Variants in LHFPL3 observed in about 807,000 individuals in gnomAD.
LHFPL3 encodes LHFPL tetraspan subfamily member 3, also known as LHFPL tetraspan subfamily member 3 protein.
Under a neutral mutation model 19.3 loss-of-function variants are expected in LHFPL3, and 5 were observed. The ratio of observed to expected loss-of-function variants is 0.26; its 90% CI spans 0.14 to 0.54. LHFPL3 has a LOEUF of 0.54. LHFPL3 is among the 20% of genes least tolerant of loss of function. The pLI is 0.94. For missense variants in LHFPL3, 249 were observed against 307.4 expected (o/e 0.81, Z 1.42); for synonymous variants, 133 against 126.2 (o/e 1.05, Z -0.36).
chr7:104,503,491 T>C (rs965531953), intron 1 of LHFPL3, among the ~76,000 whole-genome samples: 2 of 152,194 alleles, frequency 1.3e-5, no homozygotes. Flanking sequence ...CTCAAGGCAA[T>C]TATTTCCCAA....
At chr7:104,662,667 A>T (rs901875410) in intron 1 of LHFPL3, among the ~76,000 whole-genome samples, 1 of 152,248 alleles carries the variant, frequency 6.6e-6, no homozygotes, top group African/African-American at 2.4e-5. Context: ...TGAATATTCA[A>T]CTGGCTTGCA....
At chr7:104,388,300 C>T (rs1038659355) in intron 1 of LHFPL3, among the ~76,000 whole-genome samples, 1 of 152,036 alleles carries the variant, frequency 6.6e-6, no homozygotes, top group South Asian at 2.1e-4. Context: ...TGGGTGTATA[C>T]CCAATAATAG....
Position 104,575,911 on chromosome 7 carries a change from G to T in LHFPL3, c.446-160764G>T, listed in dbSNP as rs117199763. Among the ~76,000 whole-genome samples, 364 of 152,246 alleles carry T rather than the reference G, an allele frequency of 2.4e-3. 3 individuals are homozygous for T. The highest frequency in any genetic ancestry group is 3.2e-3 in the Non-Finnish European group (215 of 68,024). On this transcript the variant is annotated intron_variant, in intron 1 of 2. Transcript: ENST00000424859. ...GAACTTCCATCTAGAAGGGGCTTCA[G>T]GGAGGTAATCTTTTTGGAAAGGGTG...
In LHFPL3 at chr7:104,328,629, A is replaced by C; in HGVS notation, c.-151A>C. ...CTCCCCCGCCCTCCTTCCGGGAGCG[A>C]GGATGCAGACTCTGAAACTGGTGCT... is the stretch of plus-strand genomic sequence containing the variant. On this transcript the variant is annotated 5_prime_UTR_variant, in exon 1 of 3. Coordinates refer to ENST00000424859, the MANE Select transcript of LHFPL3 (RefSeq NM_199000.3). The surrounding 1 kb of genome is among the most constrained non-coding windows in gnomAD (Gnocchi z 4.6). 1 of 685,564 alleles carries C rather than the reference A, an allele frequency of 1.5e-6. No individual in the cohort carries two copies. Among genetic ancestry groups the C allele is most frequent in the African/African-American group, 1.8e-5 (1 of 55,876 alleles). The allele number at this position is 685,564 out of a possible 1,614,324, so 42.5% of individuals were successfully genotyped here. A position where few individuals can be genotyped will look rare whatever the true frequency, so the allele number is the denominator to read the frequency against.
At chr7:104,734,414 G>A (rs191381726) in intron 1 of LHFPL3, among the ~76,000 whole-genome samples, 59 of 152,218 alleles carry the variant, frequency 3.9e-4, no homozygotes, top group Middle Eastern at 6.8e-3. Context: ...GACCTTGTTC[G>A]TTTCTTTTTA....
At chr7:104,488,127 T>A (rs1364930845) in intron 1 of LHFPL3, among the ~76,000 whole-genome samples, 1 of 152,198 alleles carries the variant, frequency 6.6e-6, no homozygotes, top group Non-Finnish European at 1.5e-5. Flanking sequence ...TTTTTTGTCA[T>A]TTTCTAAGAC....
rs1554394359 is a variant in LHFPL3 at position 104,440,036 on chromosome 7, G to GGT, written c.445+110813_445+110814insTG. ...AAGATTACTATATAATACAAAGCCT[G>GGT]GGGGGGGGGAGGGATAGCATTAGGA... On this transcript the variant is annotated intron_variant, in intron 1 of 2. Transcript: ENST00000424859. Among the ~76,000 whole-genome samples, 30 of 73,034 alleles carry GGT rather than the reference G, an allele frequency of 4.1e-4. 1 individual carries two copies. The allele number at this position is 73,034 out of a possible 152,430, so 47.9% of individuals were successfully genotyped here.
intron 2 of LHFPL3, among the ~76,000 whole-genome samples, chr7:104,841,399 A>G (rs1309569427): frequency 1.3e-5 from 2 of 150,924 alleles, no homozygotes; most frequent in East Asian, 2.0e-4. Context: ...GAGCATGGAT[A>G]AGGACATTGC....
At chr7:104,706,003 C>T (rs1793185018) in intron 1 of LHFPL3, among the ~76,000 whole-genome samples, 1 of 152,150 alleles carries the variant, frequency 6.6e-6, no homozygotes, top group South Asian at 2.1e-4. Flanking sequence ...GACCTTGACT[C>T]TGAGGTTGGC....
At chr7:104,403,782 T>C (rs1791363890) in intron 1 of LHFPL3, among the ~76,000 whole-genome samples, 1 of 150,622 alleles carries the variant, frequency 6.6e-6, no homozygotes, top group Non-Finnish European at 1.5e-5. Flanking sequence ...TGGCCTCTAA[T>C]GGAGGTGTCA....
intron 1 of LHFPL3, among the ~76,000 whole-genome samples, chr7:104,715,856 T>C (rs145578547): frequency 1.3e-5 from 2 of 152,338 alleles, no homozygotes; most frequent in East Asian, 3.9e-4. Flanking sequence ...CAGTTTTCTT[T>C]CCTTGTGGTG....
At chr7:104,647,560 A>T (rs569681215) in intron 1 of LHFPL3, among the ~76,000 whole-genome samples, 1 of 152,254 alleles carries the variant, frequency 6.6e-6, no homozygotes, top group East Asian at 1.9e-4. Context: ...TTTTTGAAAC[A>T]TACTGTATTA....
chr7:104,579,545 T>A (rs974393268), intron 1 of LHFPL3, among the ~76,000 whole-genome samples: 1 of 152,236 alleles, frequency 6.6e-6, no homozygotes, highest in Non-Finnish European at 1.5e-5. Flanking sequence ...ACCACATTTT[T>A]AAATCCAGTC....
intron 1 of LHFPL3, among the ~76,000 whole-genome samples, chr7:104,736,073 A>C (rs1336275383): frequency 6.6e-6 from 1 of 152,186 alleles, no homozygotes; most frequent in Non-Finnish European, 1.5e-5. Flanking sequence ...TGGCTATACC[A>C]GTTTACATTT....
intron 2 of LHFPL3, among the ~76,000 whole-genome samples, chr7:104,853,247 G>A (rs1339899375): frequency 1.3e-5 from 2 of 152,202 alleles, no homozygotes; most frequent in Non-Finnish European, 2.9e-5. Context: ...GAGAAGGGGA[G>A]GTTCCTCGAG....
intron 1 of LHFPL3, among the ~76,000 whole-genome samples, chr7:104,453,641 A>T (rs1017610650): frequency 1.3e-5 from 2 of 152,176 alleles, no homozygotes; most frequent in African/African-American, 4.8e-5. Flanking sequence ...TCCCCAACCA[A>T]ATCTCATGGT....
chr7:104,355,810 G>A (rs766079189), intron 1 of LHFPL3, among the ~76,000 whole-genome samples: 2 of 152,176 alleles, frequency 1.3e-5, no homozygotes, highest in Admixed American at 6.5e-5. Flanking sequence ...TCCTCCACTG[G>A]CATCTATCCA....
At chr7:104,789,132 G>C (rs1264449249) in intron 2 of LHFPL3, among the ~76,000 whole-genome samples, 1 of 152,214 alleles carries the variant, frequency 6.6e-6, no homozygotes, top group African/African-American at 2.4e-5. Flanking sequence ...ACTGAGGATT[G>C]AGAGAAGTGT....
chr7:104,399,714 C>A lies in LHFPL3; in HGVS notation c.445+70490C>A, dbSNP rs965818560. The stretch of plus-strand genomic sequence containing the variant: ...GTCTTGAACTCCCAACCTCGTGCTC[C>A]GCCCACCTCGGCCTCCCAAAGTGCT... On this transcript the variant is annotated intron_variant, in intron 1 of 2. Coordinates refer to ENST00000424859, the MANE Select transcript of LHFPL3 (RefSeq NM_199000.3). The surrounding 1 kb of genome is among the most constrained non-coding windows in gnomAD (Gnocchi z 4.4). Among the ~76,000 whole-genome samples, 18 of 151,056 alleles carry A rather than the reference C, an allele frequency of 1.2e-4. No individual in the cohort carries two copies. The highest frequency in any genetic ancestry group is 2.9e-5 in the Non-Finnish European group (2 of 67,802).
Sources: gnomAD v4.1 joint callset for allele counts (sites outside exome capture counted in the v4.1 genomes callset) on GRCh38, gnomAD v4.1.1 for gene constraint, Gnocchi (gnomAD v3.1) non-coding constraint, MANE v1.5 for transcripts, NCBI Gene and HGNC (gene_info 2026-07-23, HGNC 2026-07-21) for gene names.